The following SSH2 variants were observed in gnomAD, a reference collection of about 807,000 sequenced individuals.
SSH2 encodes slingshot protein phosphatase 2.
In SSH2, 37 loss-of-function variants were observed where a neutral mutation model predicts 135.2. The observed-to-expected ratio is 0.27, with a 90% CI of 0.21 to 0.36. The LOEUF (loss-of-function observed/expected upper bound fraction) is 0.36. SSH2 is among the 10% of genes least tolerant of loss of function. SSH2 has a pLI of 1.00. For missense variants in SSH2, 1,408 were observed against 1,765.3 expected (o/e 0.80, Z 3.63); for synonymous variants, 628 against 646.2 (o/e 0.97, Z 0.43).
intron 3 of SSH2, among the ~76,000 whole-genome samples, chr17:29,752,618 G>A (rs1257274114): frequency 1.3e-5 from 2 of 151,910 alleles, no homozygotes; most frequent in Non-Finnish European, 2.9e-5. Context: ...AATGGCAAGA[G>A]GTTTTTAAAA....
chr17:29,633,791 C>A (rs1849447872), intron 15 of SSH2, among the ~76,000 whole-genome samples: 1 of 152,124 alleles, frequency 6.6e-6, no homozygotes, highest in South Asian at 2.1e-4. Context: ...TGGGAATAGC[C>A]CTTGGACACC....
chr17:29,782,471 A>G (rs1187111624), intron 3 of SSH2, among the ~76,000 whole-genome samples: 1 of 152,190 alleles, frequency 6.6e-6, no homozygotes, highest in African/African-American at 2.4e-5. Context: ...CATGCTGTAT[A>G]ATACTGCCAG....
intron 14 of SSH2, among the ~76,000 whole-genome samples, chr17:29,644,633 C>A (rs1283588468): frequency 6.6e-6 from 1 of 152,028 alleles, no homozygotes; most frequent in South Asian, 2.1e-4. Flanking sequence ...ATGGTGAAAC[C>A]CCATCTCTAC....
intron 6 of SSH2, among the ~76,000 whole-genome samples, chr17:29,681,929 T>C (rs2038005587): frequency 6.6e-6 from 1 of 152,210 alleles, no homozygotes; most frequent in African/African-American, 2.4e-5. Flanking sequence ...GCAGAGGATG[T>C]ATGGGAATTT....
intron 1 of SSH2, among the ~76,000 whole-genome samples, chr17:29,915,999 G>T (rs1383783937): frequency 9.2e-6 from 1 of 108,196 alleles, no homozygotes; most frequent in Non-Finnish European, 1.7e-5. Context: ...CCCACAACAT[G>T]CCCCAGTGTG....
At chr17:29,652,013 G>A (rs909044410) in intron 12 of SSH2, among the ~76,000 whole-genome samples, 2 of 152,158 alleles carry the variant, frequency 1.3e-5, no homozygotes, top group South Asian at 2.1e-4. Flanking sequence ...GTGGTGGCAT[G>A]TGCCTGTAAT....
intron 3 of SSH2, among the ~76,000 whole-genome samples, chr17:29,714,140 A>G (rs980231643): frequency 6.6e-6 from 1 of 152,146 alleles, no homozygotes; most frequent in Non-Finnish European, 1.5e-5. Flanking sequence ...TCTGGACTCA[A>G]AAGTAAATGA....
At chr17:29,749,184 C>A (rs1409684075) in intron 3 of SSH2, among the ~76,000 whole-genome samples, 1 of 152,144 alleles carries the variant, frequency 6.6e-6, no homozygotes, top group Non-Finnish European at 1.5e-5. Flanking sequence ...ACATAAGAAG[C>A]CTTCTTTTCA....
In SSH2 at chr17:29,650,776, A is replaced by G; in HGVS notation, c.1104T>C (p.Thr368=). ...CTGGGAAGAAGTTATCTATCTCTCG[A>G]GTGACATTCAAGATATACCGTACCC... ...NRGVRYILNV[T]REIDNFFPGV... The change falls in exon 13 of 16, where the codon ACT becomes ACC. Residue 368 remains threonine, a synonymous_variant. Transcript: ENST00000540801. 1.2e-6 allele frequency: 2 copies of G among 1,613,682 alleles called. No homozygotes were observed. The highest frequency in any genetic ancestry group is 1.7e-6 in the Non-Finnish European group (2 of 1,179,794).
At chr17:29,753,816 AT>A (rs2041029759) in intron 3 of SSH2, among the ~76,000 whole-genome samples, 1 of 151,392 alleles carries the variant, frequency 6.6e-6, no homozygotes, top group South Asian at 2.1e-4. Flanking sequence ...AAAAGAACAA[AT>A]TGGTAAAGTC....
In SSH2 at chr17:29,627,027, G is replaced by A. The variant is rs1423412299; in HGVS notation, c.*3814C>T. ...TAGAGAGTGCTGGATGGGAGGGCAGGACACAGACGGAAGTCAGCTTCAGCG... is the reference window on the plus strand; with the variant it reads ...TAGAGAGTGCTGGATGGGAGGGCAGAACACAGACGGAAGTCAGCTTCAGCG... On this transcript the variant is annotated 3_prime_UTR_variant, in exon 16 of 16. Transcript: ENST00000540801. 2 of 152,270 alleles carry A rather than the reference G, an allele frequency of 1.3e-5. No homozygotes were observed. Among genetic ancestry groups the A allele is most frequent in the East Asian group, 1.9e-4 (1 of 5,188 alleles). The allele number at this position is 152,270 out of a possible 1,614,324, so 9.4% of individuals were successfully genotyped here.
chr17:29,899,652 A>G (rs1214300497), intron 1 of SSH2, among the ~76,000 whole-genome samples: 1 of 152,228 alleles, frequency 6.6e-6, no homozygotes, highest in Non-Finnish European at 1.5e-5. Context: ...ATGGAAGAAC[A>G]TTCCATGCTC....
intron 2 of SSH2, among the ~76,000 whole-genome samples, chr17:29,824,710 C>T (rs2042714670): frequency 2.6e-5 from 4 of 152,154 alleles, no homozygotes; most frequent in Admixed American, 2.6e-4. Flanking sequence ...GGTATTCAAC[C>T]TGCTGTGTCT....
chr17:29,631,032 C>T lies in SSH2; in HGVS notation c.4162G>A (p.Ala1388Thr). 2 of 1,614,188 alleles carry T rather than the reference C, an allele frequency of 1.2e-6. No homozygotes were observed. Among genetic ancestry groups the T allele is most frequent in the South Asian group, 1.1e-5 (1 of 91,086 alleles). ...GSSQQYLLPRAGLELTSSEGG... is the reference protein window; with the variant it reads ...GSSQQYLLPRTGLELTSSEGG... ...TCAGAACTAGTCAATTCAAGTCCTGCCCTGGGGAGCAAATACTGCTGACTA... is the reference window on the plus strand; with the variant it reads ...TCAGAACTAGTCAATTCAAGTCCTGTCCTGGGGAGCAAATACTGCTGACTA... The change falls in exon 16 of 16, where the codon GCA (alanine) becomes ACA (threonine). Residue 1388 changes from alanine to threonine, a missense_variant. Coordinates refer to ENST00000540801, the MANE Select transcript of SSH2 (RefSeq NM_001282129.2).
At chr17:29,854,958 A>C (rs951555084) in intron 1 of SSH2, among the ~76,000 whole-genome samples, 5 of 152,030 alleles carry the variant, frequency 3.3e-5, no homozygotes, top group Non-Finnish European at 7.4e-5. Flanking sequence ...AAAACAAACA[A>C]ACAAACAAAC....
At chr17:29,641,586 A>G (rs1454583263) in intron 14 of SSH2, 3 of 152,232 alleles carry the variant, frequency 2.0e-5, no homozygotes, top group East Asian at 3.8e-4. Context: ...GTTAATGAAC[A>G]AGAGGAAATT....
intron 3 of SSH2, among the ~76,000 whole-genome samples, chr17:29,719,305 T>C (rs1008313258): frequency 2.0e-5 from 3 of 152,122 alleles, no homozygotes; most frequent in Non-Finnish European, 2.9e-5. Flanking sequence ...TGTGTGATGG[T>C]CATGGTAGTG....
intron 3 of SSH2, chr17:29,793,520 A>G (rs1567977995): frequency 6.2e-6 from 1 of 161,488 alleles, no homozygotes; most frequent in Non-Finnish European, 1.3e-5. Context: ...AATTCCTTGG[A>G]TGCTTGGGTG....
chr17:29,632,102 G>C lies in SSH2; in HGVS notation c.3092C>G (p.Pro1031Arg), dbSNP rs747986984. ...QESETQAVPL[P>R]LPKRVEIIEY... ...AATGATTTCTACCCTCTTGGGAAGG[G>C]GAAGAGGGACTGCTTGTGTTTCAGA... The change falls in exon 16 of 16, where the codon CCC (proline) becomes CGC (arginine). Residue 1031 changes from proline (P) to arginine (R), a missense_variant. Pro to Arg is a moderately radical substitution (Grantham distance 103, BLOSUM62 -2). This residue lies in a region of SSH2 where 1,080 missense variants were observed against 1,144.5 expected (regional missense o/e 0.94). Coordinates refer to ENST00000540801, the MANE Select transcript of SSH2 (RefSeq NM_001282129.2). 1 of 1,614,170 alleles carries C rather than the reference G, an allele frequency of 6.2e-7. No homozygotes were observed. Among genetic ancestry groups the C allele is most frequent in the Admixed American group, 1.7e-5 (1 of 60,020 alleles).
Sources: allele counts gnomAD v4.1 joint callset (sites outside exome capture counted in the v4.1 genomes callset), GRCh38; gene constraint gnomAD v4.1.1; regional missense constraint gnomAD v4.1.1; transcripts MANE v1.5; gene names NCBI Gene and HGNC (gene_info 2026-07-23, HGNC 2026-07-21).